The following P2RX5 variants were observed in gnomAD, a reference collection of about 807,000 sequenced individuals.
P2RX5 encodes the protein purinergic receptor P2X 5, also known as P2X purinoceptor 5.
P2RX5 carries 46 observed loss-of-function variants against 54.1 expected under a neutral mutation model. That is an observed-to-expected ratio of 0.85 (90% CI 0.67 to 1.09). The LOEUF is 1.09. P2RX5 is among the 50% of genes least tolerant of loss of function. P2RX5 has a pLI of 0.00. For synonymous variants in P2RX5, 226 were observed against 226.4 expected (o/e 1.00, Z 0.02); for missense variants, 566 against 549.8 (o/e 1.03, Z -0.29).
intron 10 of P2RX5, 65 bp from the exon 11 acceptor site, chr17:3,679,849 G>C: frequency 7.1e-7 from 1 of 1,414,806 alleles, no homozygotes. Context: ...CTAGACGGGC[G>C]GAGTGGGCCT....
the P2RX5 span, among the ~76,000 whole-genome samples, chr17:3,709,340 C>T: frequency 6.6e-6 from 1 of 152,190 alleles, no homozygotes; most frequent in South Asian, 2.1e-4. Context: ...ACTGATTTCA[C>T]TATGAGAAAT....
At chr17:3,679,465 G>T in intron 11 of P2RX5, 125 bp downstream of exon 11, 1 of 828,722 alleles carries the variant, frequency 1.2e-6, no homozygotes, top group Non-Finnish European at 2.0e-6. Context: ...TAGATGTCCT[G>T]CCTTGTGGCC....
chr17:3,714,721 A>C, the P2RX5 span: 1 of 580,672 alleles, frequency 1.7e-6, no homozygotes, highest in Admixed American at 3.3e-5. Flanking sequence ...TGTATGGTTA[A>C]AAACTAATAT....
At chr17:3,690,173 C>G in intron 5 of P2RX5, 23 bp from the exon 6 acceptor site, 2 of 1,609,336 alleles carry the variant, frequency 1.2e-6, no homozygotes, top group Non-Finnish European at 8.5e-7. Context: ...CCAGAACAGC[C>G]TGTCCAGGAG....
the P2RX5 span, among the ~76,000 whole-genome samples, chr17:3,703,799 A>T: frequency 4.6e-5 from 7 of 151,964 alleles, no homozygotes; most frequent in Non-Finnish European, 8.8e-5. Context: ...AACAGAAAAT[A>T]AACAACATTT....
At chr17:3,718,191 T>G in the P2RX5 span, 1 of 142,186 alleles carries the variant, frequency 7.0e-6, no homozygotes, top group Non-Finnish European at 1.5e-5. Context: ...ACAGCTATTC[T>G]CCTTTGCCAG....
the P2RX5 span, among the ~76,000 whole-genome samples, chr17:3,705,802 TTTTTC>T: frequency 6.6e-6 from 1 of 152,044 alleles, no homozygotes; most frequent in Non-Finnish European, 1.5e-5. Flanking sequence ...GAAGATTACT[TTTTTC>T]TTTTTTGAGA....
chr17:3,708,182 G>A, the P2RX5 span, among the ~76,000 whole-genome samples: 3 of 152,002 alleles, frequency 2.0e-5, no homozygotes, highest in African/African-American at 7.2e-5. Context: ...GTGGTACTTA[G>A]GAAGACTGTT....
At chr17:3,711,637 G>A in the P2RX5 span, among the ~76,000 whole-genome samples, 88 of 151,992 alleles carry the variant, frequency 5.8e-4, no homozygotes, top group Admixed American at 1.7e-3. Flanking sequence ...CCACGTCGGC[G>A]CCTCCCGAAG....
upstream of P2RX5, among the ~76,000 whole-genome samples, chr17:3,698,102 C>A (rs149898415): frequency 5.6e-4 from 85 of 151,666 alleles, no homozygotes; most frequent in African/African-American, 1.9e-3. Flanking sequence ...GTCATGACTG[C>A]GAATTTTAGG....
upstream of P2RX5, among the ~76,000 whole-genome samples, chr17:3,700,917 C>T (rs951172186): frequency 1.4e-4 from 22 of 152,268 alleles, no homozygotes; most frequent in African/African-American, 5.1e-4. Context: ...CCAGAAACTC[C>T]CCTCACCCCA....
At chr17:3,689,961 T>C (rs561098920) in intron 6 of P2RX5, 109 bp downstream of exon 6, 4 of 989,482 alleles carry the variant, frequency 4.0e-6, no homozygotes, top group East Asian at 4.8e-5. Flanking sequence ...CGCACACACG[T>C]GCACACACGC....
intron 9 of P2RX5, among the ~76,000 whole-genome samples, chr17:3,683,488 T>C (rs1243974267): frequency 6.6e-6 from 1 of 152,138 alleles, no homozygotes; most frequent in East Asian, 1.9e-4. Flanking sequence ...ATCCCAGCAC[T>C]GGGAGGCCGA....
chr17:3,718,237 G>T, the P2RX5 span: 3 of 152,250 alleles, frequency 2.0e-5, no homozygotes, highest in Non-Finnish European at 4.4e-5. Context: ...CTAATAAGAT[G>T]TAAGAGGATG....
chr17:3,691,384 G>C (rs180809631), intron 2 of P2RX5, among the ~76,000 whole-genome samples: 5 of 152,348 alleles, frequency 3.3e-5, no homozygotes, highest in Admixed American at 2.0e-4. Flanking sequence ...ACAATGACCT[G>C]AAAGTTCTCT....
chr17:3,677,829 G>A (rs1368607664), intron 11 of P2RX5: 29 of 985,248 alleles, frequency 2.9e-5, no homozygotes, highest in African/African-American at 7.0e-5. Context: ...TCAGCACCCT[G>A]GCCTGTCCCT....
At chr17:3,703,587 A>G in the P2RX5 span, among the ~76,000 whole-genome samples, 37 of 152,182 alleles carry the variant, frequency 2.4e-4, no homozygotes, top group African/African-American at 8.2e-4. Context: ...AAGAGGAAAA[A>G]TGTCAGCTGC....
chr17:3,697,101 G>C (rs959359762), upstream of P2RX5, among the ~76,000 whole-genome samples: 3 of 142,386 alleles, frequency 2.1e-5, no homozygotes, highest in African/African-American at 7.7e-5. Flanking sequence ...AGTGCCGGCA[G>C]CATGAAGACC....
At chr17:3,720,344 A>G in the P2RX5 span, 1 of 1,591,940 alleles carries the variant, frequency 6.3e-7, no homozygotes, top group Admixed American at 1.7e-5. Flanking sequence ...TCCCTCATAT[A>G]GAGATTTGTT....
Sources: allele counts gnomAD v4.1 joint callset (sites outside exome capture counted in the v4.1 genomes callset), GRCh38; gene constraint gnomAD v4.1.1; transcripts MANE v1.5; gene names NCBI Gene and HGNC (gene_info 2026-07-23, HGNC 2026-07-21).